Variants in FHIT observed in about 807,000 individuals in gnomAD.
The protein encoded by FHIT is bis(5'-adenosyl)-triphosphatase.
In FHIT, 19 loss-of-function variants were observed where a neutral mutation model predicts 17.9. The observed-to-expected ratio is 1.06, with a 90% confidence interval of 0.74 to 1.56. The LOEUF (loss-of-function observed/expected upper bound fraction) is 1.56. FHIT is among the 40% of genes most tolerant of loss of function. The pLI is 0.00. For missense variants in FHIT, 248 were observed against 189.2 expected (o/e 1.31, Z -1.82); for synonymous variants, 81 against 69.7 (o/e 1.16, Z -0.81).
At chr3:61,076,099 T>C (rs1382708583) in intron 2 of FHIT, among the ~76,000 whole-genome samples, 1 of 152,138 alleles carries the variant, frequency 6.6e-6, no homozygotes, top group African/African-American at 2.4e-5. Flanking sequence ...GTTATAAAGG[T>C]AGCAGATGAA....
chr3:60,223,240 T>C (rs752911822), intron 5 of FHIT, among the ~76,000 whole-genome samples: 7 of 152,116 alleles, frequency 4.6e-5, no homozygotes, highest in East Asian at 3.9e-4. Context: ...TTTATTACAA[T>C]ACCCCTTTGA....
At chr3:59,852,534 A>AAGTGTAAACCTAC (rs1384778907) in intron 8 of FHIT, among the ~76,000 whole-genome samples, 2 of 152,176 alleles carry the variant, frequency 1.3e-5, no homozygotes, top group African/African-American at 4.8e-5. Flanking sequence ...CATATCACCC[A>AAGTGTAAACCTAC]AAGTCCATAG....
chr3:60,765,058 A>C (rs1194390924), intron 4 of FHIT, among the ~76,000 whole-genome samples: 2 of 152,158 alleles, frequency 1.3e-5, no homozygotes, highest in African/African-American at 4.8e-5. Flanking sequence ...CATAAGGTAA[A>C]AAGAGGAACT....
intron 5 of FHIT, among the ~76,000 whole-genome samples, chr3:60,175,234 T>G (rs1701615877): frequency 6.6e-6 from 1 of 152,202 alleles, no homozygotes; most frequent in African/African-American, 2.4e-5. Flanking sequence ...CACAGTACAC[T>G]GAATGTCTAC....
rs77827113 is a variant in FHIT at position 60,357,017 on chromosome 3, G to A, written c.103+179843C>T. On this transcript the variant is annotated intron_variant, in intron 5 of 9. Transcript: ENST00000492590. ...AAACAATAAGGTGAAAAACCACATT[G>A]TTGAGGAGAGCCATACAATACAGTC... 2.6e-5 allele frequency among the ~76,000 whole-genome samples: 4 copies of A among 152,108 alleles called. No homozygotes were observed. The East Asian group carries it at 5.8e-4, about 22-fold the overall frequency.
intron 5 of FHIT, among the ~76,000 whole-genome samples, chr3:60,238,112 C>T (rs1291399362): frequency 6.7e-6 from 1 of 148,154 alleles, no homozygotes; most frequent in Non-Finnish European, 1.5e-5. Flanking sequence ...TACCACTGCA[C>T]TCCAGCCTGG....
chr3:60,746,988 T>C (rs1230794970), intron 4 of FHIT, among the ~76,000 whole-genome samples: 1 of 152,146 alleles, frequency 6.6e-6, no homozygotes, highest in Non-Finnish European at 1.5e-5. Flanking sequence ...CAGATGTAGG[T>C]ACTGTAACCA....
chr3:61,069,394 A>T (rs2034725324), intron 2 of FHIT, among the ~76,000 whole-genome samples: 1 of 152,166 alleles, frequency 6.6e-6, no homozygotes, highest in Non-Finnish European at 1.5e-5. Context: ...TTCTGAAGCA[A>T]TTGCTCTGGG....
intron 5 of FHIT, among the ~76,000 whole-genome samples, chr3:60,343,845 C>G (rs1375788908): frequency 2.0e-5 from 3 of 152,166 alleles, no homozygotes; most frequent in African/African-American, 7.2e-5. Flanking sequence ...TAACTTCTTT[C>G]CCAACAGTGG....
chr3:61,023,972 T>A (rs959320162), intron 3 of FHIT, among the ~76,000 whole-genome samples: 1 of 152,108 alleles, frequency 6.6e-6, no homozygotes, highest in African/African-American at 2.4e-5. Flanking sequence ...CCAAAAGCAA[T>A]GGCAACAAAA....
At chr3:60,545,472 G>C (rs565211698) in intron 4 of FHIT, among the ~76,000 whole-genome samples, 2 of 152,256 alleles carry the variant, frequency 1.3e-5, no homozygotes, top group South Asian at 4.2e-4. Flanking sequence ...TCCAGACTTA[G>C]TGTTTTTCTC....
At chr3:59,819,650 T>C (rs536277696) in intron 8 of FHIT, among the ~76,000 whole-genome samples, 42 of 152,296 alleles carry the variant, frequency 2.8e-4, no homozygotes, top group Admixed American at 2.4e-3. Context: ...AAATACATAG[T>C]CATATGTCTT....
intron 5 of FHIT, among the ~76,000 whole-genome samples, chr3:60,461,585 A>G (rs2032473155): frequency 1.3e-5 from 2 of 152,224 alleles, no homozygotes; most frequent in South Asian, 4.1e-4. Context: ...CAGACAACGC[A>G]GCTGTCCCTG....
At chr3:61,078,493 C>T (rs950761396) in intron 2 of FHIT, among the ~76,000 whole-genome samples, 2 of 152,086 alleles carry the variant, frequency 1.3e-5, no homozygotes, top group African/African-American at 2.4e-5. Context: ...CACAGGCACC[C>T]GATAGTCATT....
chr3:61,213,524 C>A (rs1047716098), intron 1 of FHIT, among the ~76,000 whole-genome samples: 4 of 152,174 alleles, frequency 2.6e-5, no homozygotes, highest in Non-Finnish European at 5.9e-5. Flanking sequence ...GAGTGACCTA[C>A]AAAGAGACTT....
intron 5 of FHIT, among the ~76,000 whole-genome samples, chr3:60,463,130 A>G (rs1368375170): frequency 6.6e-6 from 1 of 152,194 alleles, no homozygotes; most frequent in Non-Finnish European, 1.5e-5. Flanking sequence ...TCTTTTCTTC[A>G]TTTGTAGGTG....
intron 5 of FHIT, among the ~76,000 whole-genome samples, chr3:60,268,540 G>A (rs764403865): frequency 1.5e-4 from 23 of 152,306 alleles, no homozygotes; most frequent in African/African-American, 4.8e-4. Flanking sequence ...TGAGTAAGAA[G>A]AAAGGGAAAT....
intron 3 of FHIT, among the ~76,000 whole-genome samples, chr3:60,859,174 G>T (rs1393092796): frequency 6.6e-6 from 1 of 152,056 alleles, no homozygotes; most frequent in Non-Finnish European, 1.5e-5. Flanking sequence ...TAGGAGTATC[G>T]AATAGTGGTT....
chr3:60,684,772 C>T (rs2040825714), intron 4 of FHIT, among the ~76,000 whole-genome samples: 1 of 151,976 alleles, frequency 6.6e-6, no homozygotes, highest in Non-Finnish European at 1.5e-5. Context: ...ACATCTTTCC[C>T]ATTCATATTA....
Sources: gnomAD v4.1 joint callset for allele counts (sites outside exome capture counted in the v4.1 genomes callset) on GRCh38, gnomAD v4.1.1 for gene constraint, MANE v1.5 for transcripts, NCBI Gene and HGNC (gene_info 2026-07-23, HGNC 2026-07-21) for gene names.